LRRC39: variants seen among roughly 807,000 people sequenced by gnomAD.
The protein encoded by LRRC39 is leucine-rich repeat-containing protein 39.
LRRC39 carries 35 observed loss-of-function variants against 39.7 expected under a neutral mutation model. The ratio of observed to expected loss-of-function variants is 0.88; its 90% CI spans 0.67 to 1.17. LRRC39 has a LOEUF of 1.17. LRRC39 is among the 50% of genes most tolerant of loss of function. The pLI is 0.00. For synonymous variants in LRRC39, 113 were observed against 134.1 expected (o/e 0.84, Z 1.09); for missense variants, 357 against 385.8 (o/e 0.93, Z 0.62).
At position 100,148,558 on chromosome 1, in the gene LRRC39, C is replaced by G; in HGVS notation, c.*484G>C. ...TTAACAGTCTCTCAATAAATAGTGA[C>G]AAAAATAATTTTTTATAAACTTTTG... On this transcript the variant is annotated 3_prime_UTR_variant, in exon 10 of 10. Transcript: ENST00000370137. 1 of 1,430,382 alleles carries G rather than the reference C, an allele frequency of 7.0e-7. No homozygotes were observed. Among genetic ancestry groups the G allele is most frequent in the Non-Finnish European group, 9.6e-7 (1 of 1,040,724 alleles). 88.6% of individuals were successfully genotyped at this position (1,430,382 alleles called of 1,614,324 possible).
chr1:100,158,266 C>T lies in LRRC39; in HGVS notation c.478G>A (p.Ala160Thr). ...AGATCACATATATCTCTGTTAACAG[C>T]CAGTTCTAGTTTCTCCAAGCTGGCA... The part of the protein sequence containing the change: ...NCASLEKLEL[A>T]VNRDICDLPQ... Residue 160 changes from alanine (A) to threonine (T), a missense_variant, in exon 6 of 10, where the codon GCT becomes ACT. Physicochemically the swap from Ala to Thr is moderately conservative, Grantham distance 58. Coordinates refer to ENST00000370137, the MANE Select transcript of LRRC39 (RefSeq NM_144620.4). 6.2e-7 allele frequency: 1 copy of T among 1,613,948 alleles called. No homozygotes were observed.
chr1:100,156,925 C>T (rs1212813776), intron 6 of LRRC39, among the ~76,000 whole-genome samples: 4 of 151,924 alleles, frequency 2.6e-5, no homozygotes, highest in African/African-American at 9.7e-5. Context: ...GTTGAGGCTG[C>T]AGTGAGCCAG....
rs948501140 is a variant in LRRC39, at chr1:100,160,881, C to A, written c.114-310G>T. Among the ~76,000 whole-genome samples, 7 of 152,188 alleles carry A rather than the reference C, an allele frequency of 4.6e-5. No homozygotes were observed. In the South Asian group the frequency reaches 1.5e-3, roughly 32 times the overall value. On this transcript the variant is annotated intron_variant, in intron 3 of 9. Coordinates refer to ENST00000370137, the MANE Select transcript of LRRC39 (RefSeq NM_144620.4). ...CCTTGTGATCCACCAGCCTCAGCCTCCCAAAGTGTTGGGATTACACGTGTA... is the reference window on the plus strand; with the variant it reads ...CCTTGTGATCCACCAGCCTCAGCCTACCAAAGTGTTGGGATTACACGTGTA...
Position 100,160,563 on chromosome 1 carries a change from C to T in LRRC39, c.122G>A (p.Arg41Gln), listed in dbSNP as rs149435957. 5.5e-5 allele frequency: 88 copies of T among 1,611,006 alleles called. No individual in the cohort carries two copies. The African/African-American group carries it at 1.0e-3, about 19-fold the overall frequency. ...TAAGCTTACTCGTTCTTCCCAGATC[C>T]GCACTAGCCTAGGAAACCAGGAAAT... ...REKEFQHKLV[R>Q]IWEERVSLTK... The change falls in exon 4 of 10, where the codon CGG becomes CAG. Residue 41 changes from arginine to glutamine, a missense_variant. Transcript: ENST00000370137.
intron 2 of LRRC39, among the ~76,000 whole-genome samples, chr1:100,169,115 A>G (rs1570777517): frequency 1.3e-5 from 2 of 152,064 alleles, no homozygotes; most frequent in East Asian, 3.8e-4. Context: ...AAAATACTCA[A>G]TAATAGGAAA....
chr1:100,173,770 C>T lies in LRRC39; in HGVS notation c.-118-400G>A, dbSNP rs1381282434. Reference sequence around the variant, plus strand: ...GAATTTAGCAAGACTTCTGACAAGTCAATATTTTGAAAAATCAATTATGTG... The same window carrying T: ...GAATTTAGCAAGACTTCTGACAAGTTAATATTTTGAAAAATCAATTATGTG... On this transcript the variant is annotated intron_variant, in intron 1 of 9. Coordinates refer to ENST00000370137, the MANE Select transcript of LRRC39 (RefSeq NM_144620.4). Among the ~76,000 whole-genome samples, 6 of 152,136 alleles carry T rather than the reference C, an allele frequency of 3.9e-5. No individual in the cohort carries two copies. In the East Asian group the frequency reaches 1.2e-3, roughly 29 times the overall value.
chr1:100,165,136 T>G (rs1194745763), intron 3 of LRRC39, among the ~76,000 whole-genome samples: 1 of 152,232 alleles, frequency 6.6e-6, no homozygotes, highest in East Asian at 1.9e-4. Flanking sequence ...GATTTTACAA[T>G]GTAATTGTTT....
intron 8 of LRRC39, among the ~76,000 whole-genome samples, chr1:100,153,704 G>A (rs1658238743): frequency 6.6e-6 from 1 of 152,178 alleles, no homozygotes; most frequent in South Asian, 2.1e-4. Flanking sequence ...AAAAATGCTT[G>A]ACAGAGTTTT....
intron 9 of LRRC39, chr1:100,150,221 T>G (rs1459328761): frequency 6.6e-6 from 1 of 152,172 alleles, no homozygotes; most frequent in Non-Finnish European, 1.5e-5. Context: ...ATAGTAGTGG[T>G]AGTAACTCGT....
intron 1 of LRRC39, among the ~76,000 whole-genome samples, chr1:100,173,990 G>A (rs1659801323): frequency 6.6e-6 from 1 of 152,150 alleles, no homozygotes; most frequent in Non-Finnish European, 1.5e-5. Flanking sequence ...GACTCAATCT[G>A]TAAAAATGTC....
Position 100,148,634 on chromosome 1 carries a change from T to C in LRRC39, c.*408A>G. On this transcript the variant is annotated 3_prime_UTR_variant, in exon 10 of 10. Coordinates refer to ENST00000370137, the MANE Select transcript of LRRC39 (RefSeq NM_144620.4). ...TGTTTATTCAATTTAGGCTTCTTAGTGTTGAAGAAAAGAAGAAAATAGGGC... is the reference window on the plus strand; with the variant it reads ...TGTTTATTCAATTTAGGCTTCTTAGCGTTGAAGAAAAGAAGAAAATAGGGC... The C allele has an allele frequency of 6.2e-7, 1 of 1,606,836 alleles. No homozygotes were observed. Among genetic ancestry groups the C allele is most frequent in the Non-Finnish European group, 8.5e-7 (1 of 1,178,120 alleles).
chr1:100,164,593 A>G (rs1159286536), intron 3 of LRRC39, among the ~76,000 whole-genome samples: 1 of 151,936 alleles, frequency 6.6e-6, no homozygotes, highest in East Asian at 1.9e-4. Flanking sequence ...ATTTCTATGA[A>G]TTTTCCAGTT....
At chr1:100,154,665 T>G (rs2101767127) in intron 8 of LRRC39, among the ~76,000 whole-genome samples, 1 of 152,352 alleles carries the variant, frequency 6.6e-6, no homozygotes, top group African/African-American at 2.4e-5. Context: ...AGTCATGCTT[T>G]TTTTCAGTTG....
At chr1:100,155,345 C>T in intron 7 of LRRC39, 142 bp from the exon 8 acceptor site, 4 of 667,276 alleles carry the variant, frequency 6.0e-6, no homozygotes, top group Non-Finnish European at 9.1e-6. Flanking sequence ...GCTATTCTCC[C>T]CCTCAGCCTC....
chr1:100,174,219 T>C (rs1406324480), intron 1 of LRRC39, among the ~76,000 whole-genome samples: 2 of 152,060 alleles, frequency 1.3e-5, no homozygotes, highest in East Asian at 3.9e-4. Context: ...ATTGGTGCAA[T>C]AGAAAAACAT....
chr1:100,156,091 G>T, intron 7 of LRRC39, 81 bp downstream of exon 7: 1 of 1,329,544 alleles, frequency 7.5e-7, no homozygotes, highest in Non-Finnish European at 1.0e-6. Context: ...TTATGCTTGA[G>T]ATCCCATTTG....
intron 8 of LRRC39, 98 bp downstream of exon 8, chr1:100,154,953 A>C: frequency 1.7e-6 from 2 of 1,154,996 alleles, no homozygotes; most frequent in Non-Finnish European, 1.2e-6. Flanking sequence ...TCACATAAAT[A>C]ACAACTGAAA....
In LRRC39 at chr1:100,156,284, G is replaced by C. The variant is rs566207822; in HGVS notation, c.547C>G (p.Leu183Val). The C allele has an allele frequency of 6.2e-7, 1 of 1,612,296 alleles. No individual in the cohort carries two copies. Among genetic ancestry groups the C allele is most frequent in the Non-Finnish European group, 8.5e-7 (1 of 1,178,838 alleles). ...SNLLKLTHLD[L>V]SMNDFTTIPL... ...ATTGTAGTAAAATCGTTCATACTCA[G>C]ATCAAGGTGAGTAAGTTTTAGCAGA... The change falls in exon 7 of 10, where the codon CTG becomes GTG. Residue 183 changes from leucine (L) to valine (V), a missense_variant. By Grantham distance (32) the Leu-to-Val change is conservative. Coordinates refer to ENST00000370137, the MANE Select transcript of LRRC39 (RefSeq NM_144620.4).
chr1:100,160,601 T>C (rs751954264), intron 3 of LRRC39, 30 bp from the exon 4 acceptor site: 92 of 1,543,636 alleles, frequency 6.0e-5, no homozygotes, highest in Non-Finnish European at 7.7e-5. Flanking sequence ...TTTTAGTTCA[T>C]AGACAATTAC....
Sources: allele counts gnomAD v4.1 joint callset (sites outside exome capture counted in the v4.1 genomes callset), GRCh38; gene constraint gnomAD v4.1.1; transcripts MANE v1.5; gene names NCBI Gene and HGNC (gene_info 2026-07-23, HGNC 2026-07-21).